Variants in NRXN1 observed in about 807,000 individuals in gnomAD.
The protein encoded by NRXN1 is neurexin-1.
Under a neutral mutation model 150.9 loss-of-function variants are expected in NRXN1, and 39 were observed. The ratio of observed to expected loss-of-function variants is 0.26; its 90% CI spans 0.20 to 0.34. The LOEUF (loss-of-function observed/expected upper bound fraction) is 0.34. Among genes scored for constraint, NRXN1 ranks in the 10% least tolerant of loss-of-function variants. The pLI, the probability that NRXN1 is intolerant of heterozygous loss-of-function variation, is 1.00. For synonymous variants in NRXN1, 924 were observed against 757.0 expected (o/e 1.22, Z -3.62); for missense variants, 1,815 against 1,949.9 (o/e 0.93, Z 1.30).
intron 17 of NRXN1, among the ~76,000 whole-genome samples, chr2:50,262,186 AT>A (rs1361668755): frequency 6.6e-6 from 1 of 151,908 alleles, no homozygotes; most frequent in Non-Finnish European, 1.5e-5. Context: ...TGTTTTCTGT[AT>A]TTTATGGCTG....
intron 5 of NRXN1, among the ~76,000 whole-genome samples, chr2:50,720,145 A>T (rs1359506086): frequency 6.6e-6 from 1 of 152,132 alleles, no homozygotes; most frequent in South Asian, 2.1e-4. Flanking sequence ...TTTGGATCAG[A>T]ACATGCAATT....
chr2:50,423,080 A>G (rs998055102), intron 17 of NRXN1, among the ~76,000 whole-genome samples: 2 of 152,148 alleles, frequency 1.3e-5, no homozygotes, highest in Non-Finnish European at 2.9e-5. Context: ...AATTTTCCAC[A>G]TTGAATCCTT....
chr2:50,091,618 T>G (rs1699589204), intron 18 of NRXN1, 124 bp from the exon 19 acceptor site: 1 of 1,013,590 alleles, frequency 9.9e-7, no homozygotes, highest in Non-Finnish European at 1.5e-6. Flanking sequence ...CCAATTTTAC[T>G]TCTGAAAAAC....
intron 17 of NRXN1, among the ~76,000 whole-genome samples, chr2:50,442,285 A>C (rs1191063139): frequency 6.6e-6 from 1 of 152,210 alleles, no homozygotes; most frequent in Non-Finnish European, 1.5e-5. Flanking sequence ...GTTGCCTATC[A>C]TTATTATTTC....
chr2:50,007,862 G>C (rs1205850005), intron 21 of NRXN1, among the ~76,000 whole-genome samples: 1 of 152,106 alleles, frequency 6.6e-6, no homozygotes, highest in East Asian at 1.9e-4. Flanking sequence ...GTGTAAAAGT[G>C]TTCCTATTTC....
At chr2:50,483,238 A>T (rs2090611408) in intron 15 of NRXN1, among the ~76,000 whole-genome samples, 1 of 152,070 alleles carries the variant, frequency 6.6e-6, no homozygotes. Context: ...AAGTTACCCT[A>T]TATGGCTTAA....
chr2:50,610,960 G>A (rs1459817468), intron 8 of NRXN1, among the ~76,000 whole-genome samples: 1 of 149,416 alleles, frequency 6.7e-6, no homozygotes, highest in African/African-American at 2.5e-5. Context: ...TGGCCAGGCT[G>A]GTCTTGAACT....
chr2:50,667,527 A>G (rs1358508781), intron 5 of NRXN1, among the ~76,000 whole-genome samples: 1 of 151,994 alleles, frequency 6.6e-6, no homozygotes, highest in African/African-American at 2.4e-5. Flanking sequence ...GTTAATTTAT[A>G]ATGACCAGGA....
chr2:50,874,218 T>C (rs1678223168), intron 5 of NRXN1, among the ~76,000 whole-genome samples: 2 of 151,928 alleles, frequency 1.3e-5, no homozygotes, highest in Non-Finnish European at 2.9e-5. Flanking sequence ...TTTTCACTTA[T>C]CCAACTTTTC....
At chr2:50,918,512 A>C in intron 5 of NRXN1, 1 of 362,160 alleles carries the variant, frequency 2.8e-6, no homozygotes, top group Non-Finnish European at 5.0e-6. Flanking sequence ...CAAAGTGCCA[A>C]CATTCGCTGA....
At chr2:50,798,542 C>T (rs1574510517) in intron 5 of NRXN1, among the ~76,000 whole-genome samples, 1 of 152,050 alleles carries the variant, frequency 6.6e-6, no homozygotes. Flanking sequence ...TTAACACTGC[C>T]CACTTCACCT....
intron 5 of NRXN1, among the ~76,000 whole-genome samples, chr2:50,914,975 C>T (rs942018184): frequency 3.3e-5 from 5 of 151,154 alleles, no homozygotes; most frequent in Admixed American, 2.6e-4. Context: ...GAAAGGAAGA[C>T]AAATAAACAA....
chr2:50,047,576 T>C (rs1037427), intron 21 of NRXN1, among the ~76,000 whole-genome samples: 95,070 of 151,752 alleles, frequency 0.63, 30,066 homozygotes, highest in Middle Eastern at 0.67. Flanking sequence ...TCTGAAGAAA[T>C]GCCTGAAGAT....
chr2:50,654,743 C>G (rs536961768), intron 5 of NRXN1, among the ~76,000 whole-genome samples: 1 of 152,048 alleles, frequency 6.6e-6, no homozygotes, highest in Non-Finnish European at 1.5e-5. Flanking sequence ...GAGATGGTAT[C>G]TCATTGTGTT....
intron 5 of NRXN1, among the ~76,000 whole-genome samples, chr2:50,845,993 G>A (rs1673590971): frequency 6.6e-6 from 1 of 152,150 alleles, no homozygotes; most frequent in Non-Finnish European, 1.5e-5. Flanking sequence ...TTGCTGACTG[G>A]CTTTAGAGAT....
intron 19 of NRXN1, among the ~76,000 whole-genome samples, chr2:50,069,413 C>T (rs899758716): frequency 1.3e-5 from 2 of 152,064 alleles, no homozygotes; most frequent in Non-Finnish European, 2.9e-5. Flanking sequence ...AAGCATTAGG[C>T]CACCTTGTTA....
At chr2:50,018,901 C>T (rs995698885) in intron 21 of NRXN1, among the ~76,000 whole-genome samples, 7 of 152,086 alleles carry the variant, frequency 4.6e-5, no homozygotes, top group Middle Eastern at 3.2e-3. Context: ...TCTCAGAATC[C>T]TGTCTGTGTC....
At chr2:50,969,556 G>C (rs1482646670) in intron 2 of NRXN1, among the ~76,000 whole-genome samples, 1 of 152,096 alleles carries the variant, frequency 6.6e-6, no homozygotes, top group African/African-American at 2.4e-5. Flanking sequence ...GTATAAATCA[G>C]GAAGTAGGAA....
chr2:50,721,632 C>G (rs1696669171), intron 5 of NRXN1, among the ~76,000 whole-genome samples: 1 of 152,058 alleles, frequency 6.6e-6, no homozygotes, highest in Non-Finnish European at 1.5e-5. Flanking sequence ...TCCTAAGTGT[C>G]AAGGGGTTTT....
Sources: allele counts gnomAD v4.1 joint callset (sites outside exome capture counted in the v4.1 genomes callset), GRCh38; gene constraint gnomAD v4.1.1; transcripts MANE v1.5; gene names NCBI Gene and HGNC (gene_info 2026-07-23, HGNC 2026-07-21).